NKAIN2: variants seen among roughly 807,000 people sequenced by gnomAD.
NKAIN2 encodes the protein sodium/potassium transporting ATPase interacting 2, also known as sodium/potassium-transporting ATPase subunit beta-1-interacting protein 2.
Under a neutral mutation model 32.6 loss-of-function variants are expected in NKAIN2, and 14 were observed. The ratio of observed to expected loss-of-function variants is 0.43; its 90% CI spans 0.28 to 0.67. NKAIN2 has a LOEUF of 0.67. NKAIN2 is among the 30% of genes least tolerant of loss of function. NKAIN2 has a pLI of 0.17. For synonymous variants in NKAIN2, 80 were observed against 87.2 expected, an observed-to-expected ratio of 0.92 and a Z score of 0.46; for missense variants, 198 against 258.3, an observed-to-expected ratio of 0.77 and a Z score of 1.60.
intron 3 of NKAIN2, among the ~76,000 whole-genome samples, chr6:124,494,846 C>T (rs149281745): frequency 5.3e-4 from 80 of 152,042 alleles, no homozygotes; most frequent in East Asian, 3.5e-3. Context: ...TCAGAAAAAA[C>T]GAAAGCAAGC....
At chr6:124,712,013 CTGTT>C (rs1271474113) in intron 4 of NKAIN2, among the ~76,000 whole-genome samples, 3 of 152,072 alleles carry the variant, frequency 2.0e-5, no homozygotes, top group Non-Finnish European at 2.9e-5. Context: ...GATGTTCTTT[CTGTT>C]TGTTAGTTTT....
At chr6:124,452,411 G>A (rs1485484952) in intron 3 of NKAIN2, among the ~76,000 whole-genome samples, 3 of 151,726 alleles carry the variant, frequency 2.0e-5, no homozygotes, top group African/African-American at 7.3e-5. Flanking sequence ...TTCTATTGGG[G>A]TTTATTTTAT....
chr6:124,319,130 G>C (rs1797074627), intron 2 of NKAIN2, among the ~76,000 whole-genome samples: 1 of 152,024 alleles, frequency 6.6e-6, no homozygotes, highest in African/African-American at 2.4e-5. Flanking sequence ...CTAGAAGGAA[G>C]TAATAAGCCT....
At chr6:123,844,414 T>C (rs955975831) in intron 1 of NKAIN2, among the ~76,000 whole-genome samples, 3 of 152,340 alleles carry the variant, frequency 2.0e-5, no homozygotes, top group Admixed American at 2.0e-4. Flanking sequence ...TATTTCCTTC[T>C]GCTCCCTGCC....
intron 3 of NKAIN2, among the ~76,000 whole-genome samples, chr6:124,588,789 G>T (rs1244060651): frequency 6.6e-6 from 1 of 152,092 alleles, no homozygotes; most frequent in Non-Finnish European, 1.5e-5. Flanking sequence ...AAGCCTCAGG[G>T]ACCATAGAGA....
At chr6:124,313,774 AG>A (rs1204650084) in intron 2 of NKAIN2, among the ~76,000 whole-genome samples, 1 of 152,140 alleles carries the variant, frequency 6.6e-6, no homozygotes, top group Non-Finnish European at 1.5e-5. Flanking sequence ...GTTTCCTTAA[AG>A]GATCTTTCAA....
At chr6:124,773,081 T>G (rs1778833349) in intron 4 of NKAIN2, among the ~76,000 whole-genome samples, 2 of 152,166 alleles carry the variant, frequency 1.3e-5, no homozygotes, top group Non-Finnish European at 2.9e-5. Context: ...CCCCAGAGGC[T>G]TTTTAGTGGT....
intron 3 of NKAIN2, among the ~76,000 whole-genome samples, chr6:124,387,239 ACAT>A (rs1306897458): frequency 5.9e-5 from 9 of 152,058 alleles, no homozygotes; most frequent in Non-Finnish European, 1.0e-4. Flanking sequence ...GCAAGCAGTG[ACAT>A]CATGTGTCTT....
At chr6:124,568,822 CAAAAAA>C (rs3053601) in intron 3 of NKAIN2, among the ~76,000 whole-genome samples, 13 of 80,488 alleles carry the variant, frequency 1.6e-4, no homozygotes, top group South Asian at 5.0e-4. Context: ...AGCACTGTGG[CAAAAAA>C]AAAAAAAAAA....
At chr6:124,350,396 C>T (rs142935529) in intron 2 of NKAIN2, among the ~76,000 whole-genome samples, 3 of 151,074 alleles carry the variant, frequency 2.0e-5, no homozygotes, top group South Asian at 4.2e-4. Context: ...TAGATAAGTG[C>T]CAGCTACTAA....
intron 5 of NKAIN2, among the ~76,000 whole-genome samples, chr6:124,812,397 G>A (rs1389343597): frequency 6.6e-6 from 1 of 152,146 alleles, no homozygotes; most frequent in Non-Finnish European, 1.5e-5. Context: ...CCTATTGAGT[G>A]TCTTCCGTGA....
rs115121804 is a variant in NKAIN2, at chr6:123,838,188, C to T, written c.54+33934C>T. 7.9e-3 allele frequency among the ~76,000 whole-genome samples: 1,209 copies of T among 152,134 alleles called. 14 individuals carry two copies. Among genetic ancestry groups the T allele is most frequent in the African/African-American group, 0.028 (1,144 of 41,510 alleles). ...TAAATTTTCTCTTTTTTTCTGAAAT[C>T]AAGAGAACTGAAATAAGACAAATAC... On this transcript the variant is annotated intron_variant, in intron 1 of 6. Transcript: ENST00000368417.
At chr6:124,573,832 C>A (rs1338970779) in intron 3 of NKAIN2, among the ~76,000 whole-genome samples, 1 of 152,114 alleles carries the variant, frequency 6.6e-6, no homozygotes, top group African/African-American at 2.4e-5. Context: ...TCACTCAAAT[C>A]CTCTGAGAGT....
At chr6:124,142,697 A>G (rs920596453) in intron 1 of NKAIN2, among the ~76,000 whole-genome samples, 2 of 152,236 alleles carry the variant, frequency 1.3e-5, no homozygotes, top group Non-Finnish European at 2.9e-5. Flanking sequence ...ACAATGCCCA[A>G]TTATGTCTAA....
rs112261675 is a variant in NKAIN2 at position 124,271,806 on chromosome 6, G to C, written c.55-11199G>C. 2.0e-3 allele frequency among the ~76,000 whole-genome samples: 306 copies of C among 152,290 alleles called. 3 individuals carry two copies. Among genetic ancestry groups the C allele is most frequent in the African/African-American group, 7.1e-3 (297 of 41,558 alleles). On this transcript the variant is annotated intron_variant, in intron 1 of 6. Transcript: ENST00000368417. ...CCAGGCTGAGGTGGTCACAGATGGA[G>C]ATGAGGAACTTATTGGGAACTGGAG...
intron 4 of NKAIN2, among the ~76,000 whole-genome samples, chr6:124,702,068 T>G (rs1292498110): frequency 6.6e-6 from 1 of 152,080 alleles, no homozygotes; most frequent in African/African-American, 2.4e-5. Context: ...GAAGAATAGT[T>G]TGAAGTTGGG....
intron 1 of NKAIN2, among the ~76,000 whole-genome samples, chr6:124,118,963 C>T (rs12195023): frequency 0.15 from 23,512 of 152,018 alleles, 2,346 homozygotes; most frequent in Middle Eastern, 0.29. Flanking sequence ...CATGGACTGT[C>T]GTTTGCCAAA....
At chr6:124,693,450 G>A (rs1012471926) in intron 4 of NKAIN2, among the ~76,000 whole-genome samples, 2 of 152,104 alleles carry the variant, frequency 1.3e-5, no homozygotes, top group African/African-American at 4.8e-5. Flanking sequence ...CAGAACCATC[G>A]CTAAATGATT....
chr6:124,167,522 C>A (rs562474093), intron 1 of NKAIN2, among the ~76,000 whole-genome samples: 4 of 152,266 alleles, frequency 2.6e-5, no homozygotes, highest in African/African-American at 9.6e-5. Flanking sequence ...CCTTCTCCTG[C>A]CTGAATGCCC....
Sources: allele counts gnomAD v4.1 joint callset (sites outside exome capture counted in the v4.1 genomes callset), GRCh38; gene constraint gnomAD v4.1.1; transcripts MANE v1.5; gene names NCBI Gene and HGNC (gene_info 2026-07-23, HGNC 2026-07-21).